The following FAT4 variants were observed in gnomAD, a reference collection of about 807,000 sequenced individuals.
FAT4 encodes protocadherin Fat 4.
In FAT4, 84 loss-of-function variants were observed where a neutral mutation model predicts 303.9. The ratio of observed to expected loss-of-function variants is 0.28; its 90% CI spans 0.23 to 0.33. The LOEUF (loss-of-function observed/expected upper bound fraction) is 0.33. Ranked by LOEUF, FAT4 falls within the 10% of genes least tolerant of loss-of-function variation. The pLI, the probability that FAT4 is intolerant of heterozygous loss-of-function variation, is 1.00. For missense variants in FAT4, 6,005 were observed against 6,146.8 expected (o/e 0.98, Z 0.77); for synonymous variants, 2,307 against 2,298.8 (o/e 1.00, Z -0.10).
In FAT4 at chr4:125,373,312, ATTC is replaced by A. The variant is rs1326676446; in HGVS notation, c.5176-25469_5176-25467del. On this transcript the variant is annotated intron_variant, in intron 2 of 17. Transcript: ENST00000394329. ...CATGAAACAAGTTAATATGAGGAAT[ATTC>A]TTTCCTATACTTTCCTTTTTATGTT... Among the ~76,000 whole-genome samples, 15 of 152,268 alleles carry A rather than the reference ATTC, an allele frequency of 9.9e-5. No homozygotes were observed. In the East Asian group the frequency reaches 2.9e-3, roughly 29 times the overall value.
At chr4:125,352,964 T>C (rs902103566) in intron 2 of FAT4, among the ~76,000 whole-genome samples, 1 of 151,922 alleles carries the variant, frequency 6.6e-6, no homozygotes, top group South Asian at 2.1e-4. Flanking sequence ...AGGACCTTGA[T>C]GAATGTGTTT....
chr4:125,317,200 G>T lies in FAT4; in HGVS notation c.789G>T (p.Ala263=). 1 of 1,592,404 alleles carries T rather than the reference G, an allele frequency of 6.3e-7. No homozygotes were observed. The highest frequency in any genetic ancestry group is 8.6e-7 in the Non-Finnish European group (1 of 1,166,682). ...ACCAGGCGGGGGTGCCTGAGGACGC[G>T]GTTGTGGGTTCCAGCGTCCTCCAGG... ...SHYQAGVPED[A]VVGSSVLQVA... Residue 263 remains alanine, a synonymous_variant, in exon 2 of 18, where the codon GCG becomes GCT. Coordinates refer to ENST00000394329, the MANE Select transcript of FAT4 (RefSeq NM_001291303.3). The surrounding 1 kb of genome is among the most constrained non-coding windows in gnomAD (Gnocchi z 7.0).
chr4:125,452,196 C>T lies in FAT4; in HGVS notation c.11186C>T (p.Thr3729Ile), dbSNP rs2126061827. 1 of 1,614,236 alleles carries T rather than the reference C, an allele frequency of 6.2e-7. No individual in the cohort carries two copies. Among genetic ancestry groups the T allele is most frequent in the South Asian group, 1.1e-5 (1 of 91,088 alleles). Residue 3729 changes from threonine (T) to isoleucine (I), a missense_variant, in exon 10 of 18, where the codon ACC becomes ATC. Physicochemically the swap from Thr to Ile is moderately conservative, Grantham distance 89 (BLOSUM62 -1). Coordinates refer to ENST00000394329, the MANE Select transcript of FAT4 (RefSeq NM_001291303.3). ...GTACCAACAGTAAAGGACTTCTTGA[C>T]CAACCACTATCTTCATTTTTTACGC... ...LGVPTVKDFL[T>I]NHYLHFLRIA...
At chr4:125,391,075 A>G (rs1733957861) in intron 2 of FAT4, among the ~76,000 whole-genome samples, 1 of 152,174 alleles carries the variant, frequency 6.6e-6, no homozygotes, top group Admixed American at 6.6e-5. Flanking sequence ...GTTGGGGGTA[A>G]TGTAAGTAAG....
chr4:125,328,940 T>C (rs1455804197), intron 2 of FAT4, among the ~76,000 whole-genome samples: 1 of 149,200 alleles, frequency 6.7e-6, no homozygotes, highest in Non-Finnish European at 1.5e-5. Context: ...TAAAAAGTTG[T>C]TTTCATATTT....
chr4:125,316,961 C>G lies in FAT4; in HGVS notation c.550C>G (p.Arg184Gly), dbSNP rs775309368. The G allele has an allele frequency of 2.5e-6, 4 of 1,613,902 alleles. No individual in the cohort carries two copies. The Admixed American group carries it at 5.0e-5, about 20-fold the overall frequency. ...YRIIRGNEAG[R>G]FRLDITLNPS... ...CATCATCCGCGGCAATGAGGCGGGGCGCTTCCGTCTGGACATCACCCTGAA... is the reference window on the plus strand; with the variant it reads ...CATCATCCGCGGCAATGAGGCGGGGGGCTTCCGTCTGGACATCACCCTGAA... Residue 184 changes from arginine (R) to glycine (G), a missense_variant, in exon 2 of 18, where the codon CGC becomes GGC. Coordinates refer to ENST00000394329, the MANE Select transcript of FAT4 (RefSeq NM_001291303.3). This position sits in a 1 kb window ranked among gnomAD's most constrained non-coding sequence, Gnocchi z 5.7.
Position 125,463,606 on chromosome 4 carries a change from C to G in FAT4, c.11844C>G (p.Pro3948=), listed in dbSNP as rs1420074360. The G allele has an allele frequency of 1.2e-6, 2 of 1,602,122 alleles. No homozygotes were observed. Among genetic ancestry groups the G allele is most frequent in the Non-Finnish European group, 1.7e-6 (2 of 1,172,876 alleles). Residue 3948 remains proline, a synonymous_variant, in exon 11 of 18, where the codon CCC becomes CCG. Transcript: ENST00000394329. The stretch of plus-strand genomic sequence containing the variant: ...CAGTCAATTACTGTGAATGCAACCC[C>G]TGCTTTAATGGTGGTTCCTGCCAAA... The part of the protein sequence containing the change: ...ESSVNYCECN[P]CFNGGSCQSG...
At chr4:125,406,717 CGTTA>C (rs1487799891) in intron 3 of FAT4, among the ~76,000 whole-genome samples, 159 bp from the exon 4 acceptor site, 1 of 152,080 alleles carries the variant, frequency 6.6e-6, no homozygotes, top group East Asian at 1.9e-4. Context: ...TTACCGCCTT[CGTTA>C]GTTAGTAAGT....
chr4:125,382,415 T>C (rs1027464717), intron 2 of FAT4, among the ~76,000 whole-genome samples: 8 of 152,226 alleles, frequency 5.3e-5, no homozygotes, highest in Admixed American at 1.3e-4. Flanking sequence ...AGCTCTTGGA[T>C]GACCAGGTAG....
At chr4:125,458,433 T>C (rs1726363231) in intron 10 of FAT4, among the ~76,000 whole-genome samples, 1 of 151,938 alleles carries the variant, frequency 6.6e-6, no homozygotes, top group Non-Finnish European at 1.5e-5. Context: ...GTGTTGTTGA[T>C]GATCATGTGA....
At chr4:125,397,423 G>T (rs1734228378) in intron 2 of FAT4, among the ~76,000 whole-genome samples, 1 of 152,042 alleles carries the variant, frequency 6.6e-6, no homozygotes, top group East Asian at 1.9e-4. Flanking sequence ...CTTCCAGGCT[G>T]CAGTTGTAGT....
Position 125,318,743 on chromosome 4 carries a change from A to G in FAT4, c.2332A>G (p.Ile778Val), listed in dbSNP as rs751284610. ...GGNLQSPNQAIVTITVLDTQD... is the reference protein window; with the variant it reads ...GGNLQSPNQAVVTITVLDTQD... ...CAATTTACAATCTCCCAACCAGGCA[A>G]TAGTAACCATCACTGTATTGGACAC... Residue 778 changes from isoleucine to valine, a missense_variant, in exon 2 of 18, where the codon ATA becomes GTA. Coordinates refer to ENST00000394329, the MANE Select transcript of FAT4 (RefSeq NM_001291303.3). 3.1e-6 allele frequency: 5 copies of G among 1,614,050 alleles called. No individual in the cohort carries two copies. The highest frequency in any genetic ancestry group is 4.2e-6 in the Non-Finnish European group (5 of 1,179,932).
chr4:125,467,234 A>T (rs1485185957), intron 11 of FAT4, among the ~76,000 whole-genome samples: 1 of 152,210 alleles, frequency 6.6e-6, no homozygotes, highest in Non-Finnish European at 1.5e-5. Context: ...TAGCTAGACA[A>T]TCAGTAGATC....
intron 2 of FAT4, among the ~76,000 whole-genome samples, chr4:125,389,666 C>T (rs548305493): frequency 9.2e-5 from 14 of 152,208 alleles, no homozygotes; most frequent in Admixed American, 2.6e-4. Flanking sequence ...TAGGTCTTTC[C>T]TCCAAAGTTT....
At chr4:125,445,086 G>A (rs914238060) in intron 8 of FAT4, among the ~76,000 whole-genome samples, 6 of 152,006 alleles carry the variant, frequency 3.9e-5, no homozygotes, top group Non-Finnish European at 8.8e-5. Context: ...TGATTCTGTC[G>A]TGTGATTTGC....
At position 125,479,495 on chromosome 4, in the gene FAT4, A is replaced by G. The variant is rs184295057; in HGVS notation, c.12480-246A>G. On this transcript the variant is annotated intron_variant, in intron 14 of 17. Coordinates refer to ENST00000394329, the MANE Select transcript of FAT4 (RefSeq NM_001291303.3). The stretch of plus-strand genomic sequence containing the variant: ...TCAAGTAAGAATTAATTTAAAGAAG[A>G]AATTGTCACAGCTTTCTCATTATTA... Among the ~76,000 whole-genome samples, 59 of 152,330 alleles carry G rather than the reference A, an allele frequency of 3.9e-4. No homozygotes were observed. In the East Asian group the frequency reaches 0.011, roughly 28 times the overall value.
chr4:125,374,759 G>C (rs1733250000), intron 2 of FAT4, among the ~76,000 whole-genome samples: 1 of 151,970 alleles, frequency 6.6e-6, no homozygotes, highest in South Asian at 2.1e-4. Flanking sequence ...ATGAATACAA[G>C]GTACAGCAAA....
At chr4:125,424,628 G>A (rs556818376) in intron 7 of FAT4, among the ~76,000 whole-genome samples, 3 of 152,130 alleles carry the variant, frequency 2.0e-5, no homozygotes, top group Non-Finnish European at 4.4e-5. Context: ...TTCACAAAAT[G>A]TTTATAGAGC....
intron 3 of FAT4, among the ~76,000 whole-genome samples, chr4:125,405,581 G>T (rs1734566154): frequency 6.6e-6 from 1 of 151,824 alleles, no homozygotes; most frequent in Non-Finnish European, 1.5e-5. Context: ...TGCGATCTTG[G>T]CTCACTGCAA....
Sources: gnomAD v4.1 joint callset for allele counts (sites outside exome capture counted in the v4.1 genomes callset) on GRCh38, gnomAD v4.1.1 for gene constraint, Gnocchi (gnomAD v3.1) non-coding constraint, MANE v1.5 for transcripts, NCBI Gene and HGNC (gene_info 2026-07-23, HGNC 2026-07-21) for gene names.